Variants in RANBP2 observed in about 807,000 individuals in gnomAD.
RANBP2 encodes the protein E3 SUMO-protein ligase RanBP2.
RANBP2 carries 57 observed loss-of-function variants against 303.6 expected under a neutral mutation model. That is an observed-to-expected ratio of 0.19 (90% CI 0.15 to 0.23). The LOEUF is 0.23. Among genes scored for constraint, RANBP2 ranks in the 10% least tolerant of loss-of-function variants. The probability of loss-of-function intolerance (pLI) is 1.00; values close to 1 mark genes in which losing one functional copy is unlikely to be tolerated. For missense variants in RANBP2, 3,138 were observed against 3,780.8 expected (o/e 0.83, Z 4.46); for synonymous variants, 1,167 against 1,301.5 (o/e 0.90, Z 2.23).
the RANBP2 span, chr2:109,737,294 G>T: frequency 3.0e-6 from 2 of 668,148 alleles, no homozygotes; most frequent in South Asian, 3.5e-5. Flanking sequence ...TTGGAAAAAT[G>T]CACCTTGGAT....
At chr2:109,238,449 TTGTGTGTGTGTGTGTGTGTGTGTG>T in the RANBP2 span, among the ~76,000 whole-genome samples, 14 of 142,710 alleles carry the variant, frequency 9.8e-5, no homozygotes, top group African/African-American at 2.0e-4. Flanking sequence ...TTATGTATAT[TTGTGTGTGTGTGTGTGTGTGTGTG>T]TGTGTGTGTG....
chr2:109,507,956 G>A, the RANBP2 span, among the ~76,000 whole-genome samples: 1 of 152,190 alleles, frequency 6.6e-6, no homozygotes, highest in Non-Finnish European at 1.5e-5. Context: ...TGCCAAGAGT[G>A]GTGGGTTCAC....
chr2:109,202,883 T>A, the RANBP2 span, among the ~76,000 whole-genome samples: 1 of 152,250 alleles, frequency 6.6e-6, no homozygotes, highest in Non-Finnish European at 1.5e-5. Flanking sequence ...CTTGGCTGAT[T>A]AGCACAGTTT....
the RANBP2 span, among the ~76,000 whole-genome samples, chr2:108,842,177 G>A: frequency 2.7e-5 from 4 of 150,244 alleles, no homozygotes; most frequent in East Asian, 2.0e-4. Context: ...ACAGACGTTC[G>A]CCACCACACC....
the RANBP2 span, among the ~76,000 whole-genome samples, chr2:108,860,461 CT>C: frequency 6.6e-6 from 1 of 151,040 alleles, no homozygotes; most frequent in African/African-American, 2.4e-5. Flanking sequence ...ATGATATTGA[CT>C]GTAGTTTTGT....
the RANBP2 span, among the ~76,000 whole-genome samples, chr2:109,412,165 G>A: frequency 1.3e-5 from 2 of 152,270 alleles, no homozygotes; most frequent in Non-Finnish European, 2.9e-5. Context: ...CGTGGTCCAC[G>A]ATGCGTGTGC....
At chr2:109,423,209 C>T in the RANBP2 span, among the ~76,000 whole-genome samples, 4 of 152,092 alleles carry the variant, frequency 2.6e-5, no homozygotes, top group Non-Finnish European at 4.4e-5. Context: ...GGTTGGCCTG[C>T]AACAGGGAAA....
At chr2:108,961,268 C>T in the RANBP2 span, among the ~76,000 whole-genome samples, 1 of 151,964 alleles carries the variant, frequency 6.6e-6, no homozygotes, top group Admixed American at 6.5e-5. Context: ...GTTGCCAGTC[C>T]TTTCCCTCCT....
the RANBP2 span, among the ~76,000 whole-genome samples, chr2:108,830,451 A>G: frequency 6.6e-6 from 1 of 152,240 alleles, no homozygotes; most frequent in African/African-American, 2.4e-5. Context: ...CATTTTCACC[A>G]GGATTCTGCA....
At chr2:109,604,000 A>G in the RANBP2 span, among the ~76,000 whole-genome samples, 1 of 151,564 alleles carries the variant, frequency 6.6e-6, no homozygotes, top group Non-Finnish European at 1.5e-5. Context: ...TCTCTACTAA[A>G]AATACAAAAA....
At chr2:108,908,055 T>TG in the RANBP2 span, 40 of 1,575,604 alleles carry the variant, frequency 2.5e-5, no homozygotes, top group African/African-American at 5.4e-5. Context: ...TAGCAGTGCC[T>TG]GGGGGGGCTG....
At chr2:109,643,546 G>C in the RANBP2 span, among the ~76,000 whole-genome samples, 3 of 151,862 alleles carry the variant, frequency 2.0e-5, no homozygotes, top group South Asian at 4.2e-4. Context: ...GATCACCTGA[G>C]ATCAGGAGTT....
the RANBP2 span, among the ~76,000 whole-genome samples, chr2:109,700,607 G>C: frequency 6.6e-6 from 1 of 152,008 alleles, no homozygotes; most frequent in South Asian, 2.1e-4. Flanking sequence ...GAATAGAACG[G>C]GAGGCAGGTT....
the RANBP2 span, among the ~76,000 whole-genome samples, chr2:109,149,914 T>A: frequency 6.6e-6 from 1 of 152,226 alleles, no homozygotes. Flanking sequence ...AATCACTTTT[T>A]AATTGCAGCT....
At chr2:108,966,447 A>G in the RANBP2 span, among the ~76,000 whole-genome samples, 1 of 152,242 alleles carries the variant, frequency 6.6e-6, no homozygotes, top group African/African-American at 2.4e-5. Context: ...CACAGGGCAC[A>G]GGAAGGCCTA....
chr2:109,596,509 C>A, the RANBP2 span, among the ~76,000 whole-genome samples: 2 of 151,312 alleles, frequency 1.3e-5, no homozygotes, highest in African/African-American at 4.9e-5. Context: ...CCCAGCTACT[C>A]GGGAGGCTGA....
At chr2:109,400,284 C>G in the RANBP2 span, among the ~76,000 whole-genome samples, 1 of 151,886 alleles carries the variant, frequency 6.6e-6, no homozygotes, top group Non-Finnish European at 1.5e-5. Flanking sequence ...CATATGCACT[C>G]CCACGCACAT....
the RANBP2 span, among the ~76,000 whole-genome samples, chr2:109,729,185 C>G: frequency 6.6e-6 from 1 of 152,336 alleles, no homozygotes; most frequent in African/African-American, 2.4e-5. Context: ...TTTTTCATCT[C>G]TGACCAGCAG....
At chr2:109,732,640 C>A in the RANBP2 span, 9 of 497,088 alleles carry the variant, frequency 1.8e-5, no homozygotes, top group South Asian at 1.4e-4. Context: ...CTGCACCTGG[C>A]TAATTTTTAT....
Sources: gnomAD v4.1 joint callset for allele counts (sites outside exome capture counted in the v4.1 genomes callset) on GRCh38, gnomAD v4.1.1 for gene constraint, MANE v1.5 for transcripts, NCBI Gene and HGNC (gene_info 2026-07-23, HGNC 2026-07-21) for gene names.